Variants in GRIN3A observed in about 807,000 individuals in gnomAD.
GRIN3A encodes glutamate ionotropic receptor NMDA type subunit 3A, also known as glutamate receptor ionotropic, NMDA 3A.
In GRIN3A, 47 loss-of-function variants were observed where a neutral mutation model predicts 92.4. The observed-to-expected ratio is 0.51, with a 90% CI of 0.40 to 0.65. The LOEUF is 0.65. Ranked by LOEUF, GRIN3A falls within the 30% of genes least tolerant of loss-of-function variation. The probability of loss-of-function intolerance (pLI) is 0.00; values close to 1 mark genes in which losing one functional copy is unlikely to be tolerated. For missense variants in GRIN3A, 1,324 were observed against 1,393.1 expected, an observed-to-expected ratio of 0.95 and a Z score of 0.79; for synonymous variants, 527 against 540.6, an observed-to-expected ratio of 0.97 and a Z score of 0.35.
intron 8 of GRIN3A, among the ~76,000 whole-genome samples, chr9:101,574,930 G>T (rs1827808415): frequency 6.6e-6 from 1 of 152,158 alleles, no homozygotes. Flanking sequence ...AGACCAGACA[G>T]CCCTTAGCTG....
intron 2 of GRIN3A, among the ~76,000 whole-genome samples, chr9:101,683,276 A>G (rs1412307554): frequency 6.6e-6 from 1 of 152,190 alleles, no homozygotes; most frequent in Non-Finnish European, 1.5e-5. Flanking sequence ...ACTGAAAATG[A>G]CTGTGTGAGA....
At chr9:101,679,007 A>G (rs902226575) in intron 2 of GRIN3A, among the ~76,000 whole-genome samples, 3 of 152,202 alleles carry the variant, frequency 2.0e-5, no homozygotes, top group Non-Finnish European at 4.4e-5. Context: ...CACACTGTGA[A>G]ACATCACAAC....
chr9:101,618,622 C>T (rs940131136), intron 5 of GRIN3A, among the ~76,000 whole-genome samples: 2 of 152,058 alleles, frequency 1.3e-5, no homozygotes. Context: ...CAATAATAAT[C>T]ATTTTTAGCT....
chr9:101,588,238 A>G lies in GRIN3A; in HGVS notation c.2767-8878T>C, dbSNP rs115536079. Among the ~76,000 whole-genome samples the G allele has an allele frequency of 5.5e-3, 839 of 152,346 alleles. 6 individuals carry two copies. The highest frequency in any genetic ancestry group is 0.019 in the African/African-American group (806 of 41,582). ...CAGAGAACCTGGAAGTTTCTCATTA[A>G]CCAAGACATAGTGAAAGATCACACT... On this transcript the variant is annotated intron_variant, in intron 6 of 8. Transcript: ENST00000361820.
chr9:101,728,654 T>C (rs1010338189), intron 1 of GRIN3A, among the ~76,000 whole-genome samples: 1 of 152,210 alleles, frequency 6.6e-6, no homozygotes, highest in Non-Finnish European at 1.5e-5. Context: ...TTTTTCTTAA[T>C]TGTACTCCAC....
At chr9:101,666,619 C>T (rs1829239685) in intron 3 of GRIN3A, among the ~76,000 whole-genome samples, 1 of 152,026 alleles carries the variant, frequency 6.6e-6, no homozygotes, top group South Asian at 2.1e-4. Flanking sequence ...AACAAACCTG[C>T]ACATGTACCC....
chr9:101,637,933 A>G (rs1828806002), intron 3 of GRIN3A, among the ~76,000 whole-genome samples: 1 of 152,062 alleles, frequency 6.6e-6, no homozygotes, highest in Admixed American at 6.6e-5. Context: ...CTCAGGGCTA[A>G]ATACAATCTG....
Position 101,737,943 on chromosome 9 carries a change from C to T in GRIN3A, c.37G>A (p.Val13Ile). Residue 13 changes from valine (V) to isoleucine (I), a missense_variant, in exon 1 of 9, where the codon GTC becomes ATC. Transcript: ENST00000361820. ...RLSLWWLLSR[V>I]CLLLPPPCAL... ...CAGGGCGGCGGCAACAGCAGACAGA[C>T]CCTGCTCAGCAGCCACCACAAACTC... 1 of 1,538,004 alleles carries T rather than the reference C, an allele frequency of 6.5e-7. No homozygotes were observed. Among genetic ancestry groups the T allele is most frequent in the Non-Finnish European group, 8.7e-7 (1 of 1,148,608 alleles).
intron 6 of GRIN3A, among the ~76,000 whole-genome samples, chr9:101,611,684 C>T (rs973490649): frequency 2.6e-5 from 4 of 152,106 alleles, no homozygotes; most frequent in African/African-American, 9.7e-5. Flanking sequence ...AATCTTTGTC[C>T]CTCACCAAGC....
chr9:101,727,273 AAT>A (rs1273494831), intron 1 of GRIN3A, among the ~76,000 whole-genome samples: 1 of 152,216 alleles, frequency 6.6e-6, no homozygotes, highest in Non-Finnish European at 1.5e-5. Flanking sequence ...ATAATGTATG[AAT>A]ATGTTAGGGA....
At chr9:101,642,947 A>G (rs1397687249) in intron 3 of GRIN3A, among the ~76,000 whole-genome samples, 2 of 152,154 alleles carry the variant, frequency 1.3e-5, no homozygotes, top group East Asian at 3.9e-4. Context: ...CTGATTCTAC[A>G]TTATGATGAG....
intron 8 of GRIN3A, among the ~76,000 whole-genome samples, chr9:101,577,530 C>T (rs9299345): frequency 0.15 from 22,778 of 152,114 alleles, 1,892 homozygotes; most frequent in East Asian, 0.23. Context: ...GTCTTGGAGA[C>T]AGGATTTGGA....
chr9:101,722,205 A>G (rs1162902828), intron 1 of GRIN3A, among the ~76,000 whole-genome samples: 8 of 152,246 alleles, frequency 5.3e-5, no homozygotes, highest in Non-Finnish European at 1.2e-4. Flanking sequence ...GGAAGCCCCA[A>G]GCCTTAGCAG....
chr9:101,598,210 T>A (rs1828164960), intron 6 of GRIN3A, among the ~76,000 whole-genome samples: 1 of 152,230 alleles, frequency 6.6e-6, no homozygotes, highest in African/African-American at 2.4e-5. Context: ...TTATCATTTA[T>A]GAATGAGTTG....
chr9:101,679,785 C>T (rs1453064782), intron 2 of GRIN3A, among the ~76,000 whole-genome samples: 1 of 152,182 alleles, frequency 6.6e-6, no homozygotes, highest in Admixed American at 6.5e-5. Context: ...GCTAAGCAGC[C>T]TCCAACCCCT....
chr9:101,634,225 C>T (rs1356094363), intron 3 of GRIN3A, among the ~76,000 whole-genome samples: 1 of 146,784 alleles, frequency 6.8e-6, no homozygotes, highest in Non-Finnish European at 1.5e-5. Flanking sequence ...CCCAGGTATT[C>T]GGGAGGCTGA....
At chr9:101,663,018 A>G (rs1311052694) in intron 3 of GRIN3A, among the ~76,000 whole-genome samples, 1 of 151,804 alleles carries the variant, frequency 6.6e-6, no homozygotes, top group Non-Finnish European at 1.5e-5. Context: ...AAAACCCTCT[A>G]TCTTGTTACT....
chr9:101,613,197 C>A (rs1828391403), intron 6 of GRIN3A, among the ~76,000 whole-genome samples, 179 bp downstream of exon 6: 1 of 152,168 alleles, frequency 6.6e-6, no homozygotes, highest in African/African-American at 2.4e-5. Flanking sequence ...AAACCCACAT[C>A]CCTGTAAATT....
Position 101,579,102 on chromosome 9 carries a change from A to C in GRIN3A, c.2931+94T>G, listed in dbSNP as rs1395850992. ...ACCCCACCCTCGTTATTGTGGTAAC[A>C]TAACTTAGTAGTCTGACATAGGGCT... is the stretch of plus-strand genomic sequence containing the variant. On this transcript the variant is annotated intron_variant, in intron 7 of 8. Coordinates refer to ENST00000361820, the MANE Select transcript of GRIN3A (RefSeq NM_133445.3). 4.6e-6 allele frequency: 6 copies of C among 1,300,776 alleles called. No individual in the cohort carries two copies. In the African/African-American group the frequency reaches 7.3e-5, roughly 16 times the overall value. The allele number at this position is 1,300,776 out of a possible 1,614,324, so 80.6% of individuals were successfully genotyped here.
Sources: gnomAD v4.1 joint callset for allele counts (sites outside exome capture counted in the v4.1 genomes callset) on GRCh38, gnomAD v4.1.1 for gene constraint, MANE v1.5 for transcripts, NCBI Gene and HGNC (gene_info 2026-07-23, HGNC 2026-07-21) for gene names.